Variants in HNRNPUL1 observed in about 807,000 individuals in gnomAD.
The protein encoded by HNRNPUL1 is heterogeneous nuclear ribonucleoprotein U-like protein 1.
In HNRNPUL1, 14 loss-of-function variants were observed where a neutral mutation model predicts 108.5. The ratio of observed to expected loss-of-function variants is 0.13; its 90% CI spans 0.09 to 0.20. The LOEUF is 0.20. HNRNPUL1 is among the 10% of genes least tolerant of loss of function. HNRNPUL1 has a pLI of 1.00. For missense variants in HNRNPUL1, 804 were observed against 1,168.3 expected (o/e 0.69, Z 4.55); for synonymous variants, 422 against 445.2 (o/e 0.95, Z 0.66).
chr19:41,272,688 G>T (rs575560987), intron 3 of HNRNPUL1, among the ~76,000 whole-genome samples: 2 of 152,268 alleles, frequency 1.3e-5, no homozygotes, highest in African/African-American at 4.8e-5. Context: ...ATGGACAGTG[G>T]GTTTTGCCTT....
At chr19:41,284,948 AT>A (rs1387639929) in intron 7 of HNRNPUL1, among the ~76,000 whole-genome samples, 2 of 146,612 alleles carry the variant, frequency 1.4e-5, no homozygotes, top group Non-Finnish European at 3.0e-5. Flanking sequence ...GTGAGCCACG[AT>A]TGCGCCACTG....
intron 10 of HNRNPUL1, among the ~76,000 whole-genome samples, chr19:41,299,890 C>G (rs1478696101): frequency 6.6e-6 from 1 of 152,090 alleles, no homozygotes; most frequent in African/African-American, 2.4e-5. Context: ...ATGACCACAT[C>G]AATGGCAGCT....
intron 6 of HNRNPUL1, among the ~76,000 whole-genome samples, chr19:41,279,555 G>A (rs2035783658): frequency 6.6e-6 from 1 of 152,142 alleles, no homozygotes; most frequent in Non-Finnish European, 1.5e-5. Context: ...GCCTAACCTA[G>A]AGGAAAAAGG....
chr19:41,294,379 A>C lies in HNRNPUL1; in HGVS notation c.1308A>C (p.Thr436=). 6.2e-7 allele frequency: 1 copy of C among 1,614,128 alleles called. No individual in the cohort carries two copies. Among genetic ancestry groups the C allele is most frequent in the South Asian group, 1.1e-5 (1 of 91,088 alleles). Reference sequence around the variant, plus strand: ...GCCTGCCTGCTGCTGGCAAGACCACATGGGCCATCAAACATGCAGCCTCCA... The same window carrying C: ...GCCTGCCTGCTGCTGGCAAGACCACCTGGGCCATCAAACATGCAGCCTCCA... The part of the protein sequence containing the change: ...MVGLPAAGKT[T]WAIKHAASNP... Residue 436 remains threonine (T), a synonymous_variant, in exon 9 of 15, where the codon ACA becomes ACC. Coordinates refer to ENST00000392006, the MANE Select transcript of HNRNPUL1 (RefSeq NM_007040.6). This position sits in a 1 kb window ranked among gnomAD's most constrained non-coding sequence, Gnocchi z 4.3.
chr19:41,278,032 C>G (rs945127897), intron 5 of HNRNPUL1, among the ~76,000 whole-genome samples: 2 of 150,500 alleles, frequency 1.3e-5, no homozygotes, highest in African/African-American at 4.9e-5. Flanking sequence ...CTGCTTTGCT[C>G]CTTGTTTTTT....
At chr19:41,295,931 G>C (rs2036866946) in intron 10 of HNRNPUL1, among the ~76,000 whole-genome samples, 1 of 152,218 alleles carries the variant, frequency 6.6e-6, no homozygotes, top group South Asian at 2.1e-4. Context: ...TGTACAATCA[G>C]TGTTCTCTCC....
intron 13 of HNRNPUL1, among the ~76,000 whole-genome samples, chr19:41,305,417 G>T (rs189275466): frequency 7.7e-4 from 117 of 152,336 alleles, no homozygotes; most frequent in African/African-American, 2.7e-3. Context: ...TTCAAGAAGT[G>T]CCGTGTACCT....
At chr19:41,286,797 A>G (rs575666147) in intron 7 of HNRNPUL1, 1 of 144,052 alleles carries the variant, frequency 6.9e-6, no homozygotes, top group East Asian at 2.0e-4. Flanking sequence ...GCTCACTGCA[A>G]CCTCCGCCTC....
At chr19:41,274,894 A>G (rs1291542374) in intron 4 of HNRNPUL1, among the ~76,000 whole-genome samples, 1 of 152,206 alleles carries the variant, frequency 6.6e-6, no homozygotes, top group Non-Finnish European at 1.5e-5. Context: ...AGAGGTAAAC[A>G]TTGTTTAAAA....
At chr19:41,302,354 G>A (rs1265440184) in intron 11 of HNRNPUL1, 2 of 386,970 alleles carry the variant, frequency 5.2e-6, no homozygotes, top group Non-Finnish European at 1.0e-5. Context: ...GAGTAGCTGG[G>A]ACTACAGGTG....
intron 5 of HNRNPUL1, among the ~76,000 whole-genome samples, chr19:41,278,648 T>G (rs2035719306): frequency 6.8e-6 from 1 of 147,960 alleles, no homozygotes; most frequent in Non-Finnish European, 1.5e-5. Flanking sequence ...GGGGTCTTGC[T>G]ATGTTGGCCA....
At chr19:41,277,619 G>T (rs1174459827) in intron 5 of HNRNPUL1, among the ~76,000 whole-genome samples, 1 of 152,156 alleles carries the variant, frequency 6.6e-6, no homozygotes, top group Non-Finnish European at 1.5e-5. Flanking sequence ...CAATTATCCT[G>T]CCTCAGCCTC....
intron 6 of HNRNPUL1, 161 bp from the exon 7 acceptor site, chr19:41,281,002 C>A (rs927316571): frequency 3.5e-6 from 2 of 577,208 alleles, no homozygotes; most frequent in African/African-American, 1.9e-5. Flanking sequence ...TCATTAAGGG[C>A]TTCCTTTCAC....
chr19:41,264,266 T>G, upstream of HNRNPUL1: 2 of 384,320 alleles, frequency 5.2e-6, no homozygotes, highest in Non-Finnish European at 9.2e-6. Flanking sequence ...GGCGCTCTGA[T>G]TGGCTAGGTT....
At chr19:41,272,730 A>G (rs2035319179) in intron 3 of HNRNPUL1, among the ~76,000 whole-genome samples, 1 of 152,154 alleles carries the variant, frequency 6.6e-6, no homozygotes. Flanking sequence ...TCAGACACAT[A>G]CACTAGTAAG....
intron 2 of HNRNPUL1, among the ~76,000 whole-genome samples, chr19:41,269,597 A>G (rs1172713607): frequency 6.6e-6 from 1 of 151,590 alleles, no homozygotes; most frequent in East Asian, 1.9e-4. Flanking sequence ...GAGCCTAGGA[A>G]TCCAAGACTA....
In HNRNPUL1 at chr19:41,304,165, C is replaced by T. The variant is rs772453538; in HGVS notation, c.2166C>T (p.Asn722=). The change falls in exon 13 of 15, where the codon AAC becomes AAT. Residue 722 remains asparagine, a synonymous_variant. Coordinates refer to ENST00000392006, the MANE Select transcript of HNRNPUL1 (RefSeq NM_007040.6). ...CACCCAGCTACAGCCCTGCTCGGAA[C>T]CCCCCAGGGGCCAGCACCTACAATA... The part of the protein sequence containing the change: ...PPPPSYSPAR[N]PPGASTYNKN... 1.9e-6 allele frequency: 3 copies of T among 1,614,072 alleles called. No homozygotes were observed. The highest frequency in any genetic ancestry group is 2.5e-6 in the Non-Finnish European group (3 of 1,180,036).
At chr19:41,274,184 T>C in intron 4 of HNRNPUL1, 129 bp downstream of exon 4, 2 of 761,790 alleles carry the variant, frequency 2.6e-6, no homozygotes, top group Non-Finnish European at 4.5e-6. Context: ...GAGACACGGC[T>C]TAGCTCTGGA....
chr19:41,271,966 C>A, intron 2 of HNRNPUL1, 116 bp from the exon 3 acceptor site: 1 of 1,169,086 alleles, frequency 8.6e-7, no homozygotes, highest in Non-Finnish European at 1.2e-6. Context: ...CTGTGCCCAG[C>A]CCTTCATCAC....
Sources: allele counts gnomAD v4.1 joint callset (sites outside exome capture counted in the v4.1 genomes callset), GRCh38; gene constraint gnomAD v4.1.1; non-coding constraint Gnocchi (gnomAD v3.1); transcripts MANE v1.5; gene names NCBI Gene and HGNC (gene_info 2026-07-23, HGNC 2026-07-21).